Variants in PPP3CA observed in about 807,000 individuals in gnomAD.
The protein encoded by PPP3CA is protein phosphatase 3 catalytic subunit alpha, also known as CAM-PRP catalytic subunit.
Under a neutral mutation model 66.5 loss-of-function variants are expected in PPP3CA, and 14 were observed. The ratio of observed to expected loss-of-function variants is 0.21; its 90% CI spans 0.14 to 0.33. The LOEUF is 0.33. Ranked by LOEUF, PPP3CA falls within the 10% of genes least tolerant of loss-of-function variation. PPP3CA has a pLI of 1.00. For synonymous variants in PPP3CA, 232 were observed against 226.2 expected, an observed-to-expected ratio of 1.03 and a Z score of -0.23; for missense variants, 317 against 639.5, an observed-to-expected ratio of 0.50 and a Z score of 5.44.
intron 1 of PPP3CA, among the ~76,000 whole-genome samples, chr4:101,277,279 C>T (rs921192757): frequency 2.6e-5 from 4 of 152,162 alleles, no homozygotes; most frequent in African/African-American, 7.2e-5. Flanking sequence ...TATGGATGTA[C>T]CACAGTTTAT....
At chr4:101,218,054 T>G (rs903537819) in intron 1 of PPP3CA, among the ~76,000 whole-genome samples, 3 of 152,074 alleles carry the variant, frequency 2.0e-5, no homozygotes, top group Non-Finnish European at 4.4e-5. Context: ...TTTTTGGAAC[T>G]TGAGGATGAA....
chr4:101,096,913 G>C (rs1270294382), intron 5 of PPP3CA, among the ~76,000 whole-genome samples: 1 of 152,076 alleles, frequency 6.6e-6, no homozygotes, highest in East Asian at 1.9e-4. Flanking sequence ...AGACTTCTCA[G>C]ACTTAGCAAT....
intron 2 of PPP3CA, among the ~76,000 whole-genome samples, chr4:101,174,705 C>T (rs1448853847): frequency 6.6e-6 from 1 of 152,048 alleles, no homozygotes; most frequent in East Asian, 1.9e-4. Context: ...AAGTGTAAGT[C>T]TGGGGAAGGT....
chr4:101,320,437 T>C (rs1189832086), intron 1 of PPP3CA, among the ~76,000 whole-genome samples: 3 of 145,514 alleles, frequency 2.1e-5, no homozygotes, highest in Non-Finnish European at 3.0e-5. Flanking sequence ...TACACACACA[T>C]ACACAAAACC....
intron 1 of PPP3CA, among the ~76,000 whole-genome samples, chr4:101,228,472 G>A (rs1002819177): frequency 6.6e-6 from 1 of 151,400 alleles, no homozygotes; most frequent in Non-Finnish European, 1.5e-5. Flanking sequence ...AATGACATTA[G>A]AGTCTTGATT....
intron 2 of PPP3CA, among the ~76,000 whole-genome samples, chr4:101,136,535 C>T (rs1198073196): frequency 2.1e-5 from 3 of 144,132 alleles, no homozygotes; most frequent in African/African-American, 5.6e-5. Context: ...AACGAGACTC[C>T]GCCTCAAAAA....
At chr4:101,329,877 C>T (rs561900410) in intron 1 of PPP3CA, among the ~76,000 whole-genome samples, 102 of 152,034 alleles carry the variant, frequency 6.7e-4, no homozygotes, top group Non-Finnish European at 1.2e-3. Context: ...AAAAAAAATC[C>T]TTTCAAAATA....
At chr4:101,040,382 C>T in intron 11 of PPP3CA, 100 bp downstream of exon 11, 1 of 787,128 alleles carries the variant, frequency 1.3e-6, no homozygotes, top group East Asian at 3.3e-5. Context: ...GACAAATATT[C>T]TCTAGTAAAA....
chr4:101,137,884 C>CAA (rs34286966), intron 2 of PPP3CA, among the ~76,000 whole-genome samples: 1,578 of 120,964 alleles, frequency 0.013, 25 homozygotes, highest in African/African-American at 0.027. Context: ...TGTCAGTCCA[C>CAA]AAAAAAAAAA....
chr4:101,316,563 C>A (rs144094617), intron 1 of PPP3CA, among the ~76,000 whole-genome samples: 66 of 152,164 alleles, frequency 4.3e-4, no homozygotes, highest in African/African-American at 1.6e-3. Flanking sequence ...CTAAGTTCTG[C>A]CAGTAGAAGT....
At chr4:101,104,401 G>A (rs1271940451) in intron 3 of PPP3CA, among the ~76,000 whole-genome samples, 3 of 151,712 alleles carry the variant, frequency 2.0e-5, no homozygotes, top group Non-Finnish European at 2.9e-5. Flanking sequence ...CTGTGTGTAC[G>A]TTTGTTCATG....
At position 101,098,447 on chromosome 4, in the gene PPP3CA, C is replaced by A. The variant is rs1330417912; in HGVS notation, c.562G>T (p.Ala188Ser). The change falls in exon 5 of 14, where the codon GCT becomes TCT. Residue 188 changes from alanine to serine, a missense_variant. By Grantham distance (99) the Ala-to-Ser change is moderately conservative (BLOSUM62 1). Coordinates refer to ENST00000394854, the MANE Select transcript of PPP3CA (RefSeq NM_000944.5). ...CMDAFDCLPL[A>S]ALMNQQFLCV... ...AGGAACTGTTGGTTCATCAGGGCAG[C>A]CAGGGGAAGGCAGTCAAAGGCATCC... 2 of 1,612,256 alleles carry A rather than the reference C, an allele frequency of 1.2e-6. No individual in the cohort carries two copies. Among genetic ancestry groups the A allele is most frequent in the Admixed American group, 3.3e-5 (2 of 59,834 alleles).
At chr4:101,095,704 T>C (rs1730164480) in intron 5 of PPP3CA, among the ~76,000 whole-genome samples, 1 of 152,134 alleles carries the variant, frequency 6.6e-6, no homozygotes, top group Non-Finnish European at 1.5e-5. Flanking sequence ...CAGGCTGGAG[T>C]GCAGTGGCAC....
intron 2 of PPP3CA, among the ~76,000 whole-genome samples, chr4:101,163,697 C>T (rs1313234175): frequency 6.6e-6 from 1 of 152,112 alleles, no homozygotes; most frequent in East Asian, 1.9e-4. Flanking sequence ...TGTTAGGATA[C>T]ATATTTTGCT....
At chr4:101,084,893 A>G (rs1438895940) in intron 6 of PPP3CA, among the ~76,000 whole-genome samples, 1 of 152,216 alleles carries the variant, frequency 6.6e-6, no homozygotes, top group East Asian at 1.9e-4. Flanking sequence ...GAAACTGGAG[A>G]GGATGGCCCA....
At chr4:101,270,622 A>C (rs1429336022) in intron 1 of PPP3CA, among the ~76,000 whole-genome samples, 2 of 152,166 alleles carry the variant, frequency 1.3e-5, no homozygotes, top group African/African-American at 4.8e-5. Flanking sequence ...ATTAAAGTAC[A>C]TCTTCTAGAA....
chr4:101,054,531 GGTA>G (rs1284502279), intron 10 of PPP3CA, among the ~76,000 whole-genome samples: 1 of 151,630 alleles, frequency 6.6e-6, no homozygotes, highest in Non-Finnish European at 1.5e-5. Context: ...ATACAGTTTT[GGTA>G]GAAAATAATA....
At chr4:101,119,916 C>T (rs1448687229) in intron 2 of PPP3CA, among the ~76,000 whole-genome samples, 1 of 151,966 alleles carries the variant, frequency 6.6e-6, no homozygotes, top group Non-Finnish European at 1.5e-5. Flanking sequence ...TATCACTTCC[C>T]TCAGTAAAAA....
At chr4:101,083,694 A>G (rs1481555593) in intron 6 of PPP3CA, among the ~76,000 whole-genome samples, 4 of 152,216 alleles carry the variant, frequency 2.6e-5, no homozygotes, top group African/African-American at 9.7e-5. Flanking sequence ...GAGATAACTG[A>G]GTTTGCAGGC....
Sources: gnomAD v4.1 joint callset for allele counts (sites outside exome capture counted in the v4.1 genomes callset) on GRCh38, gnomAD v4.1.1 for gene constraint, MANE v1.5 for transcripts, NCBI Gene and HGNC (gene_info 2026-07-23, HGNC 2026-07-21) for gene names.